The following WNK1 variants were observed in gnomAD, a reference collection of about 807,000 sequenced individuals.
WNK1 encodes serine/threonine-protein kinase WNK1.
Under a neutral mutation model 222.8 loss-of-function variants are expected in WNK1, and 38 were observed. The observed-to-expected ratio is 0.17, with a 90% CI of 0.13 to 0.22. WNK1 has a LOEUF of 0.22. Ranked by LOEUF, WNK1 falls within the 10% of genes least tolerant of loss-of-function variation. The pLI is 1.00. For missense variants in WNK1, 2,348 were observed against 2,918.4 expected (o/e 0.80, Z 4.50); for synonymous variants, 1,090 against 1,092.9 (o/e 1.00, Z 0.05).
chr12:847,894 C>T (rs1950139596), intron 4 of WNK1, among the ~76,000 whole-genome samples: 1 of 149,496 alleles, frequency 6.7e-6, no homozygotes, highest in Non-Finnish European at 1.5e-5. Flanking sequence ...GCAACCTCCG[C>T]CTCCCAGGTT....
chr12:813,458 A>G (rs560545246), intron 1 of WNK1, among the ~76,000 whole-genome samples, 184 bp from the exon 2 acceptor site: 1 of 152,378 alleles, frequency 6.6e-6, no homozygotes, highest in South Asian at 2.1e-4. Context: ...CATTAACAGT[A>G]AAGATACTAA....
Position 753,216 on chromosome 12 carries a change from TC to T in WNK1, c.-346del. 1 of 229,600 alleles carries T rather than the reference TC, an allele frequency of 4.4e-6. No homozygotes were observed. Among genetic ancestry groups the T allele is most frequent in the Non-Finnish European group, 8.5e-6 (1 of 117,574 alleles). 14.2% of individuals were successfully genotyped at this position (229,600 alleles called of 1,614,324 possible). A position where few individuals can be genotyped will look rare whatever the true frequency, so the allele number is the denominator to read the frequency against. On this transcript the variant is annotated 5_prime_UTR_variant, in exon 1 of 28. Coordinates refer to ENST00000315939, the MANE Select transcript of WNK1 (RefSeq NM_018979.4). This position sits in a 1 kb window ranked among gnomAD's most constrained non-coding sequence, Gnocchi z 5.2. The stretch of plus-strand genomic sequence containing the variant: ...TCGACTCGGTGCCGGCCCCTGGCCC[TC>T]CCCTCATGACTGCGGCGCCTCTGCT...
chr12:878,115 T>A, intron 9 of WNK1, 97 bp from the exon 10 acceptor site: 1 of 1,483,502 alleles, frequency 6.7e-7, no homozygotes, highest in East Asian at 2.3e-5. Context: ...AAATCATCAT[T>A]ATTTACAGAC....
intron 4 of WNK1, among the ~76,000 whole-genome samples, chr12:848,495 A>ATT (rs1950187201): frequency 2.3e-5 from 1 of 42,838 alleles, no homozygotes; most frequent in East Asian, 1.3e-3. Flanking sequence ...GCCAGTAAAA[A>ATT]CTTTTTTTTT....
intron 1 of WNK1, among the ~76,000 whole-genome samples, chr12:787,911 A>T (rs776256194): frequency 2.0e-5 from 3 of 152,136 alleles, no homozygotes; most frequent in Non-Finnish European, 4.4e-5. Context: ...CCATTAGGAG[A>T]TTTTGTATAT....
At chr12:798,624 CT>C (rs1312512026) in intron 1 of WNK1, among the ~76,000 whole-genome samples, 1 of 106,152 alleles carries the variant, frequency 9.4e-6, no homozygotes, top group African/African-American at 3.3e-5. Context: ...GCACAACTGT[CT>C]TTTTTTTCCT....
chr12:853,295 G>A (rs33954292), intron 4 of WNK1, among the ~76,000 whole-genome samples: 2 of 151,934 alleles, frequency 1.3e-5, no homozygotes, highest in Non-Finnish European at 2.9e-5. Context: ...TATCTTTTGC[G>A]CAGTGAGTAT....
At chr12:774,931 T>C (rs1942933844) in intron 1 of WNK1, among the ~76,000 whole-genome samples, 1 of 152,196 alleles carries the variant, frequency 6.6e-6, no homozygotes, top group African/African-American at 2.4e-5. Context: ...TCTGCAAATA[T>C]TTTTCAATGC....
chr12:802,886 A>C (rs1946020051), intron 1 of WNK1, among the ~76,000 whole-genome samples: 1 of 152,364 alleles, frequency 6.6e-6, no homozygotes, highest in South Asian at 2.1e-4. Flanking sequence ...AAATAAATGT[A>C]GTCAGAACTA....
At chr12:907,038 A>AAAAAAAAAAAAAAAAAAAAG (rs1555163543) in intron 26 of WNK1, among the ~76,000 whole-genome samples, 1 of 139,874 alleles carries the variant, frequency 7.1e-6, no homozygotes, top group African/African-American at 2.7e-5. Flanking sequence ...AAAAAAAAAA[A>AAAAAAAAAAAAAAAAAAAAG]GCCGGGCGTG....
chr12:908,861 G>GGGGCA lies in WNK1; in HGVS notation c.*69_*70insGGGCA. 6.1e-6 allele frequency: 3 copies of GGGGCA among 491,844 alleles called. No homozygotes were observed. The highest frequency in any genetic ancestry group is 2.2e-5 in the Admixed American group (1 of 46,428). The allele number at this position is 491,844 out of a possible 1,614,324, so 30.5% of individuals were successfully genotyped here. On this transcript the variant is annotated 3_prime_UTR_variant, in exon 28 of 28. Transcript: ENST00000315939. ...ATGCTGAGGGGGTGGGTGGGGGTGGGAAGTAGCCTATATACTAACTACTAG... is the reference window on the plus strand; with the variant it reads ...ATGCTGAGGGGGTGGGTGGGGGTGGGGGGCAAAGTAGCCTATATACTAACTACTAG...
rs749591186 is a variant in WNK1 at position 896,319 on chromosome 12, A to G, written c.5832A>G (p.Gly1944=). 6.2e-7 allele frequency: 1 copy of G among 1,614,198 alleles called. No homozygotes were observed. Among genetic ancestry groups the G allele is most frequent in the Non-Finnish European group, 8.5e-7 (1 of 1,180,038 alleles). Residue 1944 remains glycine (G), a synonymous_variant, in exon 24 of 28, where the codon GGA becomes GGG. Coordinates refer to ENST00000315939, the MANE Select transcript of WNK1 (RefSeq NM_018979.4). ...KSDTGQPTKV[G]RFQVTTTANK... ...ACACTGGGCAGCCTACCAAGGTTGG[A>G]CGTTTTCAGGTGACAACTACAGCAA...
chr12:757,789 G>A (rs1282077741), intron 1 of WNK1, among the ~76,000 whole-genome samples: 1 of 147,276 alleles, frequency 6.8e-6, no homozygotes, highest in African/African-American at 2.4e-5. Context: ...TGTAATCCCA[G>A]CACTTTGGGA....
Position 842,288 on chromosome 12 carries a change from G to A in WNK1, c.1311+12128G>A, listed in dbSNP as rs149291791. 7.7e-3 allele frequency among the ~76,000 whole-genome samples: 1,165 copies of A among 151,986 alleles called. 8 individuals carry two copies. Among genetic ancestry groups the A allele is most frequent in the Non-Finnish European group, 0.011 (737 of 67,950 alleles). ...TAAAAGCAATATATTTTATATTAAT[G>A]GCAAAAAACACAATTACTTTTGCAT... On this transcript the variant is annotated intron_variant, in intron 4 of 27. Transcript: ENST00000315939.
intron 4 of WNK1, among the ~76,000 whole-genome samples, chr12:833,758 T>C (rs1412334704): frequency 6.6e-6 from 1 of 152,196 alleles, no homozygotes; most frequent in South Asian, 2.1e-4. Context: ...TATTTTAATC[T>C]AGTACATCTG....
At position 887,246 on chromosome 12, in the gene WNK1, C is replaced by G. The variant is rs1565588201; in HGVS notation, c.5306C>G (p.Pro1769Arg). The G allele has an allele frequency of 6.2e-7, 1 of 1,614,158 alleles. No homozygotes were observed. Among genetic ancestry groups the G allele is most frequent in the Non-Finnish European group, 8.5e-7 (1 of 1,180,022 alleles). ...GTGCTGCCAGTGGGTACTGAACTTCCAGCAGGTACTCTACCCAGCGAGCAG... is the reference window on the plus strand; with the variant it reads ...GTGCTGCCAGTGGGTACTGAACTTCGAGCAGGTACTCTACCCAGCGAGCAG... ...APVLPVGTEL[P>R]AGTLPSEQLP... Residue 1769 changes from proline to arginine, a missense_variant, in exon 20 of 28, where the codon CCA (proline) becomes CGA (arginine). Physicochemically the swap from Pro to Arg is moderately radical, Grantham distance 103 (BLOSUM62 -2). Around this residue, in one of 13 missense-constraint regions of WNK1, gnomAD observed 1,144 missense variants for 1,273.6 expected, o/e 0.90. Coordinates refer to ENST00000315939, the MANE Select transcript of WNK1 (RefSeq NM_018979.4).
chr12:815,751 G>A lies in WNK1; in HGVS notation c.932+1937G>A, dbSNP rs542164660. Among the ~76,000 whole-genome samples the A allele has an allele frequency of 2.0e-5, 3 of 152,266 alleles. No homozygotes were observed. The South Asian group carries it at 6.2e-4, about 32-fold the overall frequency. ...TACTTGGTTGTCAACAGTTTGTCTGGCATGCCTAAGATTACTCTAAAATAC... is the reference window on the plus strand; with the variant it reads ...TACTTGGTTGTCAACAGTTTGTCTGACATGCCTAAGATTACTCTAAAATAC... On this transcript the variant is annotated intron_variant, in intron 2 of 27. Coordinates refer to ENST00000315939, the MANE Select transcript of WNK1 (RefSeq NM_018979.4).
At position 859,591 on chromosome 12, in the gene WNK1, C is replaced by T. The variant is rs576069533; in HGVS notation, c.1620+127C>T. ...CCATTGACATAAAATTGTGATGGCC[C>T]TAAAAGTTATCTTTGATTAGTGGGA... On this transcript the variant is annotated intron_variant, in intron 6 of 27. Transcript: ENST00000315939. The T allele has an allele frequency of 8.0e-6, 5 of 623,092 alleles. No homozygotes were observed. In the East Asian group the frequency reaches 9.5e-5, roughly 12 times the overall value. 38.6% of individuals were successfully genotyped at this position (623,092 alleles called of 1,614,324 possible).
chr12:807,277 G>A (rs1443415248), intron 1 of WNK1, among the ~76,000 whole-genome samples: 1 of 147,012 alleles, frequency 6.8e-6, no homozygotes, highest in African/African-American at 2.5e-5. Context: ...GGGCAACAGA[G>A]TGAGACCCTG....
Sources: allele counts gnomAD v4.1 joint callset (sites outside exome capture counted in the v4.1 genomes callset), GRCh38; gene constraint gnomAD v4.1.1; regional missense constraint gnomAD v4.1.1; non-coding constraint Gnocchi (gnomAD v3.1); transcripts MANE v1.5; gene names NCBI Gene and HGNC (gene_info 2026-07-23, HGNC 2026-07-21).